Variants in XKR4 observed in about 807,000 individuals in gnomAD.
XKR4 encodes XK-related protein 4.
A neutral mutation model predicts 53.9 loss-of-function variants in XKR4; 12 were observed. That is an observed-to-expected ratio of 0.22 (90% CI 0.14 to 0.36). The LOEUF (loss-of-function observed/expected upper bound fraction) is 0.36. XKR4 is among the 10% of genes least tolerant of loss of function. The pLI is 1.00. For missense variants in XKR4, 799 were observed against 859.5 expected, an observed-to-expected ratio of 0.93 and a Z score of 0.88; for synonymous variants, 354 against 362.4, an observed-to-expected ratio of 0.98 and a Z score of 0.26.
At position 55,524,263 on chromosome 8, in the gene XKR4, G is replaced by T; in HGVS notation, c.*36G>T. The T allele has an allele frequency of 6.3e-7, 1 of 1,579,448 alleles. No homozygotes were observed. The highest frequency in any genetic ancestry group is 1.2e-5 in the South Asian group (1 of 85,130). On this transcript the variant is annotated 3_prime_UTR_variant, in exon 3 of 3. Transcript: ENST00000327381. ...GTTGCAGGACCCACAACATCCAGAT[G>T]AAGGGGTGACAGCAGGGCTGTGGCC... is the stretch of plus-strand genomic sequence containing the variant.
chr8:55,382,101 T>G (rs1224761198), intron 2 of XKR4, among the ~76,000 whole-genome samples: 1 of 152,232 alleles, frequency 6.6e-6, no homozygotes, highest in Non-Finnish European at 1.5e-5. Context: ...CTTTATAACA[T>G]TGTAATTGGA....
chr8:55,203,651 T>C (rs759241407), intron 1 of XKR4, among the ~76,000 whole-genome samples: 1 of 152,096 alleles, frequency 6.6e-6, no homozygotes, highest in East Asian at 1.9e-4. Context: ...GGAACCTGAC[T>C]CAGCACCACG....
intron 2 of XKR4, chr8:55,450,411 G>GGCAT (rs1280732896): frequency 1.0e-5 from 6 of 582,002 alleles, no homozygotes; most frequent in Non-Finnish European, 1.9e-5. Flanking sequence ...TGTGGAACAT[G>GGCAT]GCTGTCCTCT....
intron 2 of XKR4, among the ~76,000 whole-genome samples, chr8:55,462,476 A>C (rs1242294999): frequency 6.6e-6 from 1 of 152,216 alleles, no homozygotes; most frequent in Non-Finnish European, 1.5e-5. Context: ...TGAAGGAAGC[A>C]TTAAACATGG....
intron 2 of XKR4, among the ~76,000 whole-genome samples, chr8:55,420,859 T>C (rs1232065665): frequency 6.8e-6 from 1 of 147,178 alleles, no homozygotes; most frequent in Non-Finnish European, 1.5e-5. Context: ...GTTGCTCAGA[T>C]AGTATGATAA....
chr8:55,258,569 T>C (rs1818471772), intron 1 of XKR4, among the ~76,000 whole-genome samples: 1 of 152,146 alleles, frequency 6.6e-6, no homozygotes, highest in Non-Finnish European at 1.5e-5. Flanking sequence ...CACAGAGCTG[T>C]CCGGTGAAAT....
chr8:55,170,826 C>T lies in XKR4; in HGVS notation c.806+67532C>T, dbSNP rs192560183. On this transcript the variant is annotated intron_variant, in intron 1 of 2. Coordinates refer to ENST00000327381, the MANE Select transcript of XKR4 (RefSeq NM_052898.2). ...GGGATAAAGTTTTCCTCTGACTTTC[C>T]GGACACGGGCGGGAGCTTGGAACTT... Among the ~76,000 whole-genome samples the T allele has an allele frequency of 3.3e-5, 5 of 152,216 alleles. No homozygotes were observed. In the East Asian group the frequency reaches 5.8e-4, roughly 18 times the overall value.
In XKR4 at chr8:55,478,632, A is replaced by G. The variant is rs553984023; in HGVS notation, c.1007-44649A>G. ...ATTGGATAAAGAGTCAAGACCCATC[A>G]GTGTGCTGTATTCAGGAAAACCATC... is the stretch of plus-strand genomic sequence containing the variant. On this transcript the variant is annotated intron_variant, in intron 2 of 2. Coordinates refer to ENST00000327381, the MANE Select transcript of XKR4 (RefSeq NM_052898.2). Among the ~76,000 whole-genome samples, 56 of 152,024 alleles carry G rather than the reference A, an allele frequency of 3.7e-4. 2 individuals carry two copies. In the East Asian group the frequency reaches 6.8e-3, roughly 18 times the overall value.
intron 2 of XKR4, among the ~76,000 whole-genome samples, chr8:55,498,010 T>C (rs1405765134): frequency 1.3e-5 from 2 of 152,138 alleles, no homozygotes; most frequent in East Asian, 3.9e-4. Context: ...CCCCGAGGAT[T>C]AGGGAGGGAG....
chr8:55,483,249 A>G (rs1355697813), intron 2 of XKR4, among the ~76,000 whole-genome samples: 2 of 152,092 alleles, frequency 1.3e-5, no homozygotes, highest in African/African-American at 2.4e-5. Flanking sequence ...TCAACTACAA[A>G]CTTTTTCTAA....
chr8:55,497,104 T>C (rs1806363348), intron 2 of XKR4, among the ~76,000 whole-genome samples: 1 of 152,232 alleles, frequency 6.6e-6, no homozygotes, highest in Non-Finnish European at 1.5e-5. Flanking sequence ...ATGTCTCTTC[T>C]CTTCACTGAT....
At chr8:55,241,316 C>T (rs1818207519) in intron 1 of XKR4, among the ~76,000 whole-genome samples, 1 of 152,166 alleles carries the variant, frequency 6.6e-6, no homozygotes, top group African/African-American at 2.4e-5. Context: ...TTTTTCTGCC[C>T]TACAGCAACC....
At chr8:55,506,485 T>C (rs1806527940) in intron 2 of XKR4, among the ~76,000 whole-genome samples, 1 of 152,264 alleles carries the variant, frequency 6.6e-6, no homozygotes, top group African/African-American at 2.4e-5. Flanking sequence ...TTTCTCTTAG[T>C]GTCTTATTAA....
At chr8:55,179,389 G>A (rs566248177) in intron 1 of XKR4, among the ~76,000 whole-genome samples, 4 of 152,160 alleles carry the variant, frequency 2.6e-5, no homozygotes, top group East Asian at 1.9e-4. Context: ...CAGTTCTAAC[G>A]TTCTCAGGTT....
intron 2 of XKR4, chr8:55,453,846 C>T (rs1354605908): frequency 6.0e-5 from 31 of 518,448 alleles, no homozygotes; most frequent in East Asian, 5.1e-5. Flanking sequence ...TCGTGGGCCA[C>T]CAGCTCATCA....
chr8:55,210,011 A>T (rs1817708908), intron 1 of XKR4, among the ~76,000 whole-genome samples: 1 of 151,948 alleles, frequency 6.6e-6, no homozygotes, highest in Admixed American at 6.5e-5. Flanking sequence ...AGATTGAATG[A>T]TGAACTCATA....
At chr8:55,217,463 T>C (rs1365601736) in intron 1 of XKR4, among the ~76,000 whole-genome samples, 1 of 152,192 alleles carries the variant, frequency 6.6e-6, no homozygotes, top group African/African-American at 2.4e-5. Flanking sequence ...TCCTACATAC[T>C]GCCAGTAAGA....
intron 1 of XKR4, among the ~76,000 whole-genome samples, chr8:55,204,305 C>T (rs76926498): frequency 2.0e-5 from 3 of 152,140 alleles, no homozygotes; most frequent in Non-Finnish European, 4.4e-5. Flanking sequence ...ATCACAACGA[C>T]AAGCAGCATT....
chr8:55,230,965 C>T (rs1001928554), intron 1 of XKR4, among the ~76,000 whole-genome samples: 1 of 152,154 alleles, frequency 6.6e-6, no homozygotes, highest in Non-Finnish European at 1.5e-5. Context: ...GCTGCTCAGT[C>T]TGATTGTGTC....
Sources: gnomAD v4.1 joint callset for allele counts (sites outside exome capture counted in the v4.1 genomes callset) on GRCh38, gnomAD v4.1.1 for gene constraint, MANE v1.5 for transcripts, NCBI Gene and HGNC (gene_info 2026-07-23, HGNC 2026-07-21) for gene names.